The following STK10 variants were observed in gnomAD, a reference collection of about 807,000 sequenced individuals.
STK10 encodes serine/threonine-protein kinase 10.
STK10 carries 78 observed loss-of-function variants against 113.8 expected under a neutral mutation model. That is an observed-to-expected ratio of 0.69 (90% CI 0.57 to 0.83). The LOEUF is 0.83. STK10 is among the 40% of genes least tolerant of loss of function. The probability of loss-of-function intolerance (pLI) is 0.00; values close to 1 mark genes in which losing one functional copy is unlikely to be tolerated. For missense variants in STK10, 1,109 were observed against 1,280.1 expected (o/e 0.87, Z 2.04); for synonymous variants, 465 against 494.7 (o/e 0.94, Z 0.80).
intron 2 of STK10, among the ~76,000 whole-genome samples, chr5:172,142,755 T>C (rs1770002272): frequency 6.6e-6 from 1 of 152,204 alleles, no homozygotes; most frequent in African/African-American, 2.4e-5. Context: ...ATTATTGTAT[T>C]CCCATTTTAC....
At chr5:172,128,699 C>T (rs532038359) in intron 2 of STK10, among the ~76,000 whole-genome samples, 4 of 152,342 alleles carry the variant, frequency 2.6e-5, no homozygotes, top group African/African-American at 9.6e-5. Flanking sequence ...TCAGGACAGG[C>T]AGAATCACCT....
In STK10 at chr5:172,132,373, G is replaced by GT. The variant is rs201600763; in HGVS notation, c.322-4953dup. On this transcript the variant is annotated intron_variant, in intron 2 of 18. Coordinates refer to ENST00000176763, the MANE Select transcript of STK10 (RefSeq NM_005990.4). ...TTTTTAATTCAACCTAGGGGCTTTA[G>GT]TTTTTTTTTAATGGAAAGAACTGGC... 4.5e-3 allele frequency among the ~76,000 whole-genome samples: 675 copies of GT among 150,564 alleles called. 7 individuals are homozygous for GT. Among genetic ancestry groups the GT allele is most frequent in the African/African-American group, 0.015 (636 of 41,042 alleles).
intron 1 of STK10, among the ~76,000 whole-genome samples, chr5:172,166,072 C>T (rs138194227): frequency 3.2e-4 from 49 of 152,338 alleles, no homozygotes; most frequent in African/African-American, 1.1e-3. Context: ...GGATTACAGG[C>T]GTGAGCCACT....
At chr5:172,121,639 T>TC (rs1481246204) in intron 3 of STK10, among the ~76,000 whole-genome samples, 1 of 152,058 alleles carries the variant, frequency 6.6e-6, no homozygotes, top group African/African-American at 2.4e-5. Context: ...AAACCCCGTC[T>TC]CTACTAAAAA....
chr5:172,131,393 ATC>A (rs1769754655), intron 2 of STK10, among the ~76,000 whole-genome samples: 1 of 152,202 alleles, frequency 6.6e-6, no homozygotes, highest in Non-Finnish European at 1.5e-5. Context: ...CAGTTCCTGC[ATC>A]TTTCAGTGAA....
At chr5:172,086,333 G>C (rs1029580235) in intron 10 of STK10, among the ~76,000 whole-genome samples, 1 of 152,180 alleles carries the variant, frequency 6.6e-6, no homozygotes, top group Non-Finnish European at 1.5e-5. Flanking sequence ...AGTGGGAAGA[G>C]AGGAGGCAGG....
At chr5:172,122,845 G>T (rs189496529) in intron 3 of STK10, among the ~76,000 whole-genome samples, 165 of 152,222 alleles carry the variant, frequency 1.1e-3, no homozygotes, top group African/African-American at 3.7e-3. Context: ...GGATGGTCTC[G>T]ATCTCCTGAC....
intron 3 of STK10, among the ~76,000 whole-genome samples, chr5:172,123,682 G>C (rs1309438305): frequency 6.6e-6 from 1 of 152,156 alleles, no homozygotes; most frequent in Non-Finnish European, 1.5e-5. Context: ...TACAGCCAAT[G>C]AGACATAAAT....
At chr5:172,104,682 G>A (rs1164762081) in intron 7 of STK10, among the ~76,000 whole-genome samples, 8 of 123,560 alleles carry the variant, frequency 6.5e-5, no homozygotes, top group African/African-American at 1.6e-4. Flanking sequence ...AGAAAGGGCC[G>A]CTAACAAGGT....
intron 1 of STK10, among the ~76,000 whole-genome samples, chr5:172,184,994 G>A (rs971253860): frequency 6.6e-5 from 10 of 151,958 alleles, no homozygotes; most frequent in African/African-American, 2.2e-4. Context: ...GACTTTCCAC[G>A]TGCTTTGGAG....
At chr5:172,170,372 C>T (rs1378387436) in intron 1 of STK10, among the ~76,000 whole-genome samples, 3 of 152,172 alleles carry the variant, frequency 2.0e-5, no homozygotes, top group African/African-American at 4.8e-5. Flanking sequence ...AGGATGTACA[C>T]AGCTGAGTCC....
At chr5:172,141,168 G>A (rs1288439322) in intron 2 of STK10, among the ~76,000 whole-genome samples, 1 of 152,256 alleles carries the variant, frequency 6.6e-6, no homozygotes, top group Admixed American at 6.5e-5. Context: ...TAAGCCAGAT[G>A]AATAAGCTCT....
chr5:172,112,935 G>A (rs776929928), intron 4 of STK10, among the ~76,000 whole-genome samples: 11 of 151,264 alleles, frequency 7.3e-5, no homozygotes, highest in East Asian at 2.0e-4. Flanking sequence ...TAGTAGAGAC[G>A]GGGGGTTTCA....
chr5:172,064,673 G>T (rs1435731950), intron 13 of STK10, 47 bp downstream of exon 13: 2 of 1,598,942 alleles, frequency 1.3e-6, no homozygotes, highest in Non-Finnish European at 1.7e-6. Flanking sequence ...CACCATTCCA[G>T]GTCTCGCACC....
intron 12 of STK10, among the ~76,000 whole-genome samples, chr5:172,076,892 G>A (rs1343862532): frequency 6.8e-6 from 1 of 147,776 alleles, no homozygotes; most frequent in East Asian, 1.9e-4. Flanking sequence ...TTCCAGGACA[G>A]ACAATTAGAA....
intron 6 of STK10, 135 bp downstream of exon 6, chr5:172,106,485 G>A: frequency 2.2e-6 from 2 of 921,810 alleles, no homozygotes; most frequent in South Asian, 3.9e-5. Flanking sequence ...AGACCCCCAG[G>A]CCCCAACCTC....
chr5:172,146,252 T>C (rs998747160), intron 2 of STK10, among the ~76,000 whole-genome samples: 1 of 152,114 alleles, frequency 6.6e-6, no homozygotes, highest in African/African-American at 2.4e-5. Context: ...AGTGAATGAA[T>C]GACTGAGTGA....
rs574939426 is a variant in STK10 at position 172,150,338 on chromosome 5, G to C, written c.321+6286C>G. Among the ~76,000 whole-genome samples the C allele has an allele frequency of 2.3e-3, 346 of 151,942 alleles. 1 individual carries two copies. The highest frequency in any genetic ancestry group is 0.015 in the South Asian group (70 of 4,806). On this transcript the variant is annotated intron_variant, in intron 2 of 18. Coordinates refer to ENST00000176763, the MANE Select transcript of STK10 (RefSeq NM_005990.4). ...TCTACTAAAAATACAAAAATTAGCC[G>C]GGTGTGGTGGTGCATGCCTGTAATC...
intron 2 of STK10, among the ~76,000 whole-genome samples, chr5:172,143,560 A>T (rs1397096858): frequency 1.3e-5 from 2 of 152,146 alleles, no homozygotes; most frequent in African/African-American, 4.8e-5. Flanking sequence ...CCTAGAACTC[A>T]AATTAAATAA....
Sources: allele counts gnomAD v4.1 joint callset (sites outside exome capture counted in the v4.1 genomes callset), GRCh38; gene constraint gnomAD v4.1.1; transcripts MANE v1.5; gene names NCBI Gene and HGNC (gene_info 2026-07-23, HGNC 2026-07-21).